PRKN: variants seen among roughly 807,000 people sequenced by gnomAD.
The protein encoded by PRKN is parkin RBR E3 ubiquitin protein ligase.
PRKN carries 56 observed loss-of-function variants against 59.5 expected under a neutral mutation model. The observed-to-expected ratio is 0.94, with a 90% confidence interval of 0.76 to 1.18. The LOEUF (loss-of-function observed/expected upper bound fraction) is 1.18. Ranked by LOEUF, PRKN falls within the 50% of genes most tolerant of loss-of-function variation. The pLI is 0.00. For missense variants in PRKN, 657 were observed against 596.4 expected (o/e 1.10, Z -1.06); for synonymous variants, 250 against 222.1 (o/e 1.13, Z -1.12).
intron 7 of PRKN, among the ~76,000 whole-genome samples, chr6:161,570,912 A>G (rs1279576805): frequency 6.6e-6 from 1 of 152,106 alleles, no homozygotes; most frequent in Non-Finnish European, 1.5e-5. Flanking sequence ...TTTCAATAGA[A>G]CTATTCCTCG....
At chr6:162,293,064 T>C (rs1164279194) in intron 2 of PRKN, among the ~76,000 whole-genome samples, 1 of 152,162 alleles carries the variant, frequency 6.6e-6, no homozygotes, top group Non-Finnish European at 1.5e-5. Context: ...AATGAAAATA[T>C]GTAAGCCAGA....
At chr6:162,229,683 C>T (rs1778337306) in intron 3 of PRKN, among the ~76,000 whole-genome samples, 1 of 151,948 alleles carries the variant, frequency 6.6e-6, no homozygotes, top group Non-Finnish European at 1.5e-5. Context: ...GGCCTTGGCA[C>T]TTGCCATTCC....
In PRKN at chr6:162,051,497, G is replaced by C. The variant is rs535940548; in HGVS notation, c.618+2594C>G. On this transcript the variant is annotated intron_variant, in intron 5 of 11. Coordinates refer to ENST00000366898, the MANE Select transcript of PRKN (RefSeq NM_004562.3). ...TTAGGGCTGCTGTGCACGCGCCTCCGCATCCTCGTTCAGGAACAATGTGTT... is the reference window on the plus strand; with the variant it reads ...TTAGGGCTGCTGTGCACGCGCCTCCCCATCCTCGTTCAGGAACAATGTGTT... Among the ~76,000 whole-genome samples the C allele has an allele frequency of 2.6e-5, 4 of 152,318 alleles. No homozygotes were observed. In the South Asian group the frequency reaches 8.3e-4, roughly 32 times the overall value.
chr6:161,589,029 GT>G (rs1340979946), intron 7 of PRKN, among the ~76,000 whole-genome samples: 1 of 152,182 alleles, frequency 6.6e-6, no homozygotes, highest in East Asian at 1.9e-4. Context: ...GTAGCATGTA[GT>G]TTTAGTTCTT....
intron 1 of PRKN, among the ~76,000 whole-genome samples, chr6:162,606,924 G>A (rs558310119): frequency 6.6e-6 from 1 of 152,210 alleles, no homozygotes; most frequent in South Asian, 2.1e-4. Flanking sequence ...TATAGGCCAG[G>A]CTGGTCTCAA....
chr6:161,541,845 A>C, intron 9 of PRKN, among the ~76,000 whole-genome samples: 1 of 152,166 alleles, frequency 6.6e-6, no homozygotes, highest in East Asian at 1.9e-4. Context: ...AAAACAGTAT[A>C]ATTATTTCAT....
chr6:161,658,035 GA>G (rs1294907664), intron 7 of PRKN, among the ~76,000 whole-genome samples: 1,100 of 78,806 alleles, frequency 0.014, 26 homozygotes, highest in African/African-American at 0.05. Context: ...AAAAAAAAAA[GA>G]AAAGAAAAGA....
chr6:162,407,151 T>C (rs956451541), intron 2 of PRKN, among the ~76,000 whole-genome samples: 2 of 152,184 alleles, frequency 1.3e-5, no homozygotes, highest in Non-Finnish European at 2.9e-5. Flanking sequence ...CTCACTGCTC[T>C]TGCCCTCACT....
intron 1 of PRKN, among the ~76,000 whole-genome samples, chr6:162,454,837 G>T (rs772950365): frequency 2.0e-5 from 3 of 152,234 alleles, no homozygotes; most frequent in Admixed American, 2.0e-4. Flanking sequence ...GGGTGTTAAA[G>T]GAGCATGCCT....
rs79641032 is a variant in PRKN, at chr6:162,135,222, T to C, written c.534+65909A>G. ...CCTGATCATAGCTCACTGTAGTCTC[T>C]AACCCCTAGGCTCAAGAGATCTTCC... is the stretch of plus-strand genomic sequence containing the variant. On this transcript the variant is annotated intron_variant, in intron 4 of 11. Transcript: ENST00000366898. 1.2e-3 allele frequency among the ~76,000 whole-genome samples: 187 copies of C among 152,284 alleles called. 2 individuals are homozygous for C. Among genetic ancestry groups the C allele is most frequent in the African/African-American group, 4.2e-3 (173 of 41,570 alleles).
At chr6:162,413,402 G>T (rs1239289397) in intron 2 of PRKN, among the ~76,000 whole-genome samples, 2 of 152,006 alleles carry the variant, frequency 1.3e-5, no homozygotes, top group African/African-American at 2.4e-5. Flanking sequence ...AGACAAATGA[G>T]ATTCTTGAAA....
chr6:162,475,006 T>G (rs1396567892), intron 1 of PRKN, among the ~76,000 whole-genome samples: 1 of 152,130 alleles, frequency 6.6e-6, no homozygotes, highest in Non-Finnish European at 1.5e-5. Context: ...CTGAGAATTG[T>G]TTATTTTCCC....
At chr6:162,162,398 G>T (rs981473914) in intron 4 of PRKN, among the ~76,000 whole-genome samples, 1 of 152,084 alleles carries the variant, frequency 6.6e-6, no homozygotes, top group East Asian at 1.9e-4. Context: ...TTTTGGTATC[G>T]GTGAGGAGTC....
At chr6:161,412,027 A>G (rs2115005214) in intron 9 of PRKN, among the ~76,000 whole-genome samples, 1 of 126,242 alleles carries the variant, frequency 7.9e-6, no homozygotes, top group African/African-American at 3.1e-5. Flanking sequence ...TCATTCACTC[A>G]TTCATTCCTC....
Position 162,056,675 on chromosome 6 carries a change from T to G in PRKN, c.535-2501A>C, listed in dbSNP as rs1777879969. 6.6e-6 allele frequency among the ~76,000 whole-genome samples: 1 copy of G among 152,108 alleles called. No individual in the cohort carries two copies. Among genetic ancestry groups the G allele is most frequent in the Non-Finnish European group, 1.5e-5 (1 of 68,010 alleles). ...TGAATTTTGGAAGCGTCCACATCATTCCCTTACTGCTACGGGTGGTGTGCA... is the reference window on the plus strand; with the variant it reads ...TGAATTTTGGAAGCGTCCACATCATGCCCTTACTGCTACGGGTGGTGTGCA... On this transcript the variant is annotated intron_variant, in intron 4 of 11. Coordinates refer to ENST00000366898, the MANE Select transcript of PRKN (RefSeq NM_004562.3). The surrounding 1 kb of genome is among the most constrained non-coding windows in gnomAD (Gnocchi z 4.9).
At chr6:162,035,770 A>T (rs1783814886) in intron 5 of PRKN, among the ~76,000 whole-genome samples, 1 of 152,354 alleles carries the variant, frequency 6.6e-6, no homozygotes, top group Middle Eastern at 3.4e-3. Flanking sequence ...TTAATATAAT[A>T]AAAAGATGAG....
chr6:161,768,184 T>C (rs867217886), intron 7 of PRKN, among the ~76,000 whole-genome samples: 22 of 152,198 alleles, frequency 1.4e-4, no homozygotes, highest in African/African-American at 5.1e-4. Context: ...GTTAGGGTAT[T>C]CCTTCTGAAA....
chr6:161,942,879 A>T (rs77902871), intron 6 of PRKN, among the ~76,000 whole-genome samples: 1 of 152,366 alleles, frequency 6.6e-6, no homozygotes, highest in Non-Finnish European at 1.5e-5. Flanking sequence ...GGAGTATCCA[A>T]CAGGAGATAT....
At chr6:161,564,070 T>A (rs1339960348) in intron 8 of PRKN, among the ~76,000 whole-genome samples, 1 of 152,198 alleles carries the variant, frequency 6.6e-6, no homozygotes, top group Non-Finnish European at 1.5e-5. Context: ...CAGACATTAA[T>A]ATAAACATTT....
Sources: allele counts gnomAD v4.1 joint callset (sites outside exome capture counted in the v4.1 genomes callset), GRCh38; gene constraint gnomAD v4.1.1; non-coding constraint Gnocchi (gnomAD v3.1); transcripts MANE v1.5; gene names NCBI Gene and HGNC (gene_info 2026-07-23, HGNC 2026-07-21).